Variants in GXYLT2 observed in about 807,000 individuals in gnomAD.
GXYLT2 encodes glycosyltransferase 8 domain containing 4.
In GXYLT2, 53 loss-of-function variants were observed where a neutral mutation model predicts 45.8. The observed-to-expected ratio is 1.16, with a 90% CI of 0.93 to 1.46. GXYLT2 has a LOEUF of 1.46. GXYLT2 is among the 40% of genes most tolerant of loss of function. The probability of loss-of-function intolerance (pLI) is 0.00; values close to 1 mark genes in which losing one functional copy is unlikely to be tolerated. For missense variants in GXYLT2, 551 were observed against 544.4 expected (o/e 1.01, Z -0.12); for synonymous variants, 219 against 214.2 (o/e 1.02, Z -0.19).
rs1709982535 is a variant in GXYLT2 at position 72,929,417 on chromosome 3, C to CA, written c.600+7087dup. ...TGGAACTGCACAAACTGGCCAGTGACAAAAATGACCCCCATTTGTGTGACT... is the reference window on the plus strand; with the variant it reads ...TGGAACTGCACAAACTGGCCAGTGACAAAAAATGACCCCCATTTGTGTGACT... On this transcript the variant is annotated intron_variant, in intron 3 of 6. Transcript: ENST00000389617. 2.3e-6 allele frequency: 3 copies of CA among 1,285,324 alleles called. No homozygotes were observed. The African/African-American group carries it at 4.4e-5, about 19-fold the overall frequency. The allele number at this position is 1,285,324 out of a possible 1,614,324, so 79.6% of individuals were successfully genotyped here. A position where few individuals can be genotyped will look rare whatever the true frequency, so the allele number is the denominator to read the frequency against.
chr3:72,908,344 T>C (rs760721747), intron 1 of GXYLT2, 23 bp from the exon 2 acceptor site: 2 of 1,558,646 alleles, frequency 1.3e-6, no homozygotes, highest in Admixed American at 2.1e-5. Context: ...GTAATAGCTT[T>C]CACTTGTTTT....
rs11314689 is a variant in GXYLT2, at chr3:72,920,818, A to ATT, written c.469-1372_469-1371dup. 1.9e-3 allele frequency among the ~76,000 whole-genome samples: 264 copies of ATT among 137,916 alleles called. 3 individuals are homozygous for ATT. Among genetic ancestry groups the ATT allele is most frequent in the African/African-American group, 6.3e-3 (234 of 37,110 alleles). 90.5% of individuals were successfully genotyped at this position (137,916 alleles called of 152,430 possible). A position where few individuals can be genotyped will look rare whatever the true frequency, so the allele number is the denominator to read the frequency against. On this transcript the variant is annotated intron_variant, in intron 2 of 6. Transcript: ENST00000389617. ...TACATGCATATATATATATATATGT[A>ATT]TTTTTTTTTTTTTTTAGTCAGAGTC... is the stretch of plus-strand genomic sequence containing the variant.
intron 3 of GXYLT2, among the ~76,000 whole-genome samples, chr3:72,943,003 A>C (rs1323754812): frequency 1.3e-5 from 2 of 152,230 alleles, no homozygotes; most frequent in Non-Finnish European, 2.9e-5. Context: ...AATATATGGG[A>C]ACTCTCTGAA....
chr3:72,956,855 A>G (rs1236822673), intron 4 of GXYLT2, among the ~76,000 whole-genome samples: 1 of 145,562 alleles, frequency 6.9e-6, no homozygotes, highest in African/African-American at 2.5e-5. Flanking sequence ...GTGCCACTGC[A>G]TGCCAGCCTG....
rs547316649 is a variant in GXYLT2 at position 72,954,388 on chromosome 3, C to T, written c.601-710C>T. ...CCCAAAGTGCTGGAATTACAGGCCA[C>T]TGCTCCCAGCCTGTGTGTGTGTGTG... On this transcript the variant is annotated intron_variant, in intron 3 of 6. Transcript: ENST00000389617. 7.1e-5 allele frequency among the ~76,000 whole-genome samples: 8 copies of T among 113,450 alleles called. No individual in the cohort carries two copies. In the South Asian group the frequency reaches 2.4e-3, roughly 35 times the overall value. The allele number at this position is 113,450 out of a possible 152,430, so 74.4% of individuals were successfully genotyped here.
chr3:72,904,536 TCC>T (rs1183089546), intron 1 of GXYLT2, among the ~76,000 whole-genome samples: 2 of 151,890 alleles, frequency 1.3e-5, no homozygotes, highest in Non-Finnish European at 2.9e-5. Context: ...ATGATTGTCG[TCC>T]CTAGCCCCTG....
At position 72,888,149 on chromosome 3, in the gene GXYLT2, C is replaced by G. The variant is rs1302481293; in HGVS notation, c.-85C>G. On this transcript the variant is annotated 5_prime_UTR_variant, in exon 1 of 7. Coordinates refer to ENST00000389617, the MANE Select transcript of GXYLT2 (RefSeq NM_001080393.2). ...GGGCGGGCGGAGGAGGCGACCGCCGCGCGCTGCTGCACTCATCCTGCCGCC... is the reference window on the plus strand; with the variant it reads ...GGGCGGGCGGAGGAGGCGACCGCCGGGCGCTGCTGCACTCATCCTGCCGCC... 4.0e-5 allele frequency: 37 copies of G among 921,982 alleles called. No individual in the cohort carries two copies. The highest frequency in any genetic ancestry group is 4.4e-5 in the Non-Finnish European group (34 of 773,762). The allele number at this position is 921,982 out of a possible 1,614,324, so 57.1% of individuals were successfully genotyped here.
chr3:72,888,683 C>T (rs1709116965), intron 1 of GXYLT2, among the ~76,000 whole-genome samples, 175 bp downstream of exon 1: 1 of 152,150 alleles, frequency 6.6e-6, no homozygotes, highest in South Asian at 2.1e-4. Context: ...GGTGGAGTCC[C>T]CCTAACAGCT....
At chr3:72,966,298 G>GT (rs10575256) in intron 5 of GXYLT2, among the ~76,000 whole-genome samples, 167 of 143,980 alleles carry the variant, frequency 1.2e-3, no homozygotes, top group South Asian at 3.9e-3. Flanking sequence ...GGTTTTTGCT[G>GT]TTTTTTTTTT....
At chr3:72,919,690 G>T (rs1407162243) in intron 2 of GXYLT2, among the ~76,000 whole-genome samples, 1 of 152,210 alleles carries the variant, frequency 6.6e-6, no homozygotes, top group Admixed American at 6.5e-5. Flanking sequence ...GGGAGGCGGC[G>T]GTTGCAGTGA....
chr3:72,920,799 CATAT>C (rs377277874), intron 2 of GXYLT2, among the ~76,000 whole-genome samples: 1 of 144,416 alleles, frequency 6.9e-6, no homozygotes, highest in Admixed American at 6.9e-5. Context: ...AATGTACATG[CATAT>C]ATATATATAT....
chr3:72,934,297 G>T (rs1451370400), intron 3 of GXYLT2, among the ~76,000 whole-genome samples: 2 of 151,832 alleles, frequency 1.3e-5, no homozygotes, highest in Admixed American at 1.3e-4. Context: ...TATTGCCCTG[G>T]CTGGTCTTAA....
chr3:72,957,183 T>A, intron 4 of GXYLT2, 46 bp from the exon 5 acceptor site: 1 of 1,569,740 alleles, frequency 6.4e-7, no homozygotes, highest in Non-Finnish European at 8.6e-7. Flanking sequence ...GTGGACAAAA[T>A]GTATTTGCTT....
Position 72,945,450 on chromosome 3 carries a change from C to T in GXYLT2, c.601-9648C>T, listed in dbSNP as rs112205837. ...TAGATGTTACCTAGATACAGAAGATCCCAGCCCTCAAGGGGTTTCTATTCT... is the reference window on the plus strand; with the variant it reads ...TAGATGTTACCTAGATACAGAAGATTCCAGCCCTCAAGGGGTTTCTATTCT... On this transcript the variant is annotated intron_variant, in intron 3 of 6. Coordinates refer to ENST00000389617, the MANE Select transcript of GXYLT2 (RefSeq NM_001080393.2). Among the ~76,000 whole-genome samples the T allele has an allele frequency of 6.3e-3, 964 of 152,216 alleles. 9 individuals are homozygous for T. Among genetic ancestry groups the T allele is most frequent in the African/African-American group, 0.022 (921 of 41,520 alleles).
At position 72,955,356 on chromosome 3, in the gene GXYLT2, G is replaced by T; in HGVS notation, c.852+7G>T. The T allele has an allele frequency of 1.9e-6, 3 of 1,611,248 alleles. No homozygotes were observed. The highest frequency in any genetic ancestry group is 1.1e-5 in the South Asian group (1 of 90,932). On this transcript the variant is annotated splice_region_variant and intron_variant, in intron 4 of 6. Transcript: ENST00000389617. Reference sequence around the variant, plus strand: ...AAGAAGTACCCAGTTCAAGGTAAACGAGTGCTTTAAAATTCCTTGTTTAAA... The same window carrying T: ...AAGAAGTACCCAGTTCAAGGTAAACTAGTGCTTTAAAATTCCTTGTTTAAA...
intron 6 of GXYLT2, 49 bp downstream of exon 6, chr3:72,967,768 C>A: frequency 1.3e-6 from 2 of 1,535,640 alleles, no homozygotes; most frequent in South Asian, 1.1e-5. Context: ...CAGCATGAAG[C>A]AATATTGGCG....
chr3:72,892,497 C>T (rs1023110636), intron 1 of GXYLT2, among the ~76,000 whole-genome samples: 3 of 152,176 alleles, frequency 2.0e-5, no homozygotes, highest in Admixed American at 6.5e-5. Context: ...CTGCCAGGCA[C>T]TCCTGGTACA....
chr3:72,912,196 G>A (rs1198393664), intron 2 of GXYLT2, among the ~76,000 whole-genome samples: 1 of 151,770 alleles, frequency 6.6e-6, no homozygotes, highest in African/African-American at 2.4e-5. Flanking sequence ...TTTTAGTAGA[G>A]ACAGGGTTTC....
intron 1 of GXYLT2, among the ~76,000 whole-genome samples, chr3:72,899,227 T>G (rs1709354603): frequency 6.6e-6 from 1 of 152,160 alleles, no homozygotes; most frequent in South Asian, 2.1e-4. Flanking sequence ...ATTACCAACT[T>G]TAGGCTCTGA....
Sources: gnomAD v4.1 joint callset for allele counts (sites outside exome capture counted in the v4.1 genomes callset) on GRCh38, gnomAD v4.1.1 for gene constraint, MANE v1.5 for transcripts, NCBI Gene and HGNC (gene_info 2026-07-23, HGNC 2026-07-21) for gene names.